PXDNL: variants seen among roughly 807,000 people sequenced by gnomAD.
PXDNL encodes peroxidasin like.
In PXDNL, 145 loss-of-function variants were observed where a neutral mutation model predicts 150.8. The observed-to-expected ratio is 0.96, with a 90% CI of 0.84 to 1.10. PXDNL has a LOEUF of 1.10. Ranked by LOEUF, PXDNL falls within the 50% of genes least tolerant of loss-of-function variation. The pLI is 0.00. For synonymous variants in PXDNL, 757 were observed against 725.7 expected (o/e 1.04, Z -0.69); for missense variants, 2,087 against 1,873.9 (o/e 1.11, Z -2.10).
At chr8:51,663,551 A>T (rs1372188599) in intron 1 of PXDNL, among the ~76,000 whole-genome samples, 1 of 152,184 alleles carries the variant, frequency 6.6e-6, no homozygotes, top group African/African-American at 2.4e-5. Flanking sequence ...TGACAGGGGT[A>T]TGCGGCCACC....
chr8:51,474,429 A>G (rs1439181898), intron 7 of PXDNL, among the ~76,000 whole-genome samples: 1 of 152,222 alleles, frequency 6.6e-6, no homozygotes, highest in Non-Finnish European at 1.5e-5. Context: ...GAATATAACC[A>G]TATGCTTATT....
At chr8:51,478,608 G>C (rs1156779705) in intron 6 of PXDNL, among the ~76,000 whole-genome samples, 1 of 152,210 alleles carries the variant, frequency 6.6e-6, no homozygotes, top group Non-Finnish European at 1.5e-5. Flanking sequence ...GGAGAACCCA[G>C]TGTCGGGTGA....
intron 17 of PXDNL, among the ~76,000 whole-genome samples, chr8:51,390,944 G>C (rs1807884054): frequency 6.6e-6 from 1 of 151,608 alleles, no homozygotes; most frequent in South Asian, 2.1e-4. Flanking sequence ...CCCTTCCTGT[G>C]TCCATGTGTT....
At chr8:51,722,363 G>A (rs542866249) in intron 1 of PXDNL, among the ~76,000 whole-genome samples, 37 of 152,334 alleles carry the variant, frequency 2.4e-4, no homozygotes, top group Admixed American at 1.4e-3. Context: ...ACCCCACAGC[G>A]GCATCCAGGG....
At chr8:51,354,307 AT>A (rs1806440422) in intron 19 of PXDNL, among the ~76,000 whole-genome samples, 1 of 152,078 alleles carries the variant, frequency 6.6e-6, no homozygotes, top group Non-Finnish European at 1.5e-5. Flanking sequence ...TATCAGTAGA[AT>A]TTTGACTTAT....
At chr8:51,402,411 C>G (rs565223010) in intron 17 of PXDNL, among the ~76,000 whole-genome samples, 1 of 151,860 alleles carries the variant, frequency 6.6e-6, no homozygotes, top group Non-Finnish European at 1.5e-5. Flanking sequence ...CCCAGCTACT[C>G]GGGAGGCTGA....
chr8:51,531,881 T>C (rs974926659), intron 4 of PXDNL, among the ~76,000 whole-genome samples: 1 of 152,214 alleles, frequency 6.6e-6, no homozygotes, highest in African/African-American at 2.4e-5. Flanking sequence ...CAAACTCCAA[T>C]CATAAAGTAA....
intron 3 of PXDNL, among the ~76,000 whole-genome samples, chr8:51,572,814 G>A (rs899530867): frequency 6.6e-6 from 1 of 151,496 alleles, no homozygotes; most frequent in Non-Finnish European, 1.5e-5. Context: ...ACACACACAC[G>A]CATAAAGTAA....
chr8:51,552,155 T>A (rs989044822), intron 4 of PXDNL, among the ~76,000 whole-genome samples: 13 of 152,134 alleles, frequency 8.5e-5, no homozygotes, highest in Admixed American at 4.6e-4. Flanking sequence ...AGAACGGCCA[T>A]AATGTAATTA....
At chr8:51,469,527 C>T (rs914526745) in intron 8 of PXDNL, among the ~76,000 whole-genome samples, 1 of 152,010 alleles carries the variant, frequency 6.6e-6, no homozygotes, top group Non-Finnish European at 1.5e-5. Context: ...TTCCCACATA[C>T]CTACTTTCTA....
At chr8:51,502,093 A>G (rs886546879) in intron 4 of PXDNL, among the ~76,000 whole-genome samples, 11 of 152,220 alleles carry the variant, frequency 7.2e-5, no homozygotes, top group African/African-American at 2.4e-4. Context: ...AGCAAAAAAA[A>G]ATTTATTGTC....
intron 4 of PXDNL, among the ~76,000 whole-genome samples, chr8:51,534,003 C>T (rs1343790832): frequency 7.0e-6 from 1 of 142,764 alleles, no homozygotes; most frequent in Non-Finnish European, 1.5e-5. Context: ...AAGTGAGGAG[C>T]GTCTCTGCCC....
chr8:51,405,869 T>A (rs1009878603), intron 17 of PXDNL, among the ~76,000 whole-genome samples: 4 of 152,178 alleles, frequency 2.6e-5, no homozygotes, highest in Non-Finnish European at 4.4e-5. Flanking sequence ...TGCATAGAGT[T>A]CCACTAGTTC....
intron 17 of PXDNL, among the ~76,000 whole-genome samples, chr8:51,403,538 T>C (rs1326244344): frequency 3.3e-5 from 5 of 152,218 alleles, no homozygotes; most frequent in African/African-American, 4.8e-5. Context: ...AATTCTAGGA[T>C]TGGACTCCTT....
At chr8:51,573,206 A>G (rs558889569) in intron 3 of PXDNL, among the ~76,000 whole-genome samples, 37 of 151,976 alleles carry the variant, frequency 2.4e-4, no homozygotes, top group Non-Finnish European at 4.7e-4. Flanking sequence ...GGGATCCTAG[A>G]TCCTCACACT....
At chr8:51,623,701 T>G (rs1432998682) in intron 2 of PXDNL, among the ~76,000 whole-genome samples, 1 of 152,196 alleles carries the variant, frequency 6.6e-6, no homozygotes, top group Non-Finnish European at 1.5e-5. Flanking sequence ...AGCTGTTGTG[T>G]TCCTCCCTTT....
At chr8:51,497,262 G>T (rs7830904) in intron 5 of PXDNL, among the ~76,000 whole-genome samples, 48,715 of 151,860 alleles carry the variant, frequency 0.32, 8,690 homozygotes, top group African/African-American at 0.47. Flanking sequence ...ATCCCTTCCT[G>T]ACACCTTATA....
intron 4 of PXDNL, among the ~76,000 whole-genome samples, chr8:51,509,343 T>G (rs1319584520): frequency 6.6e-6 from 1 of 152,136 alleles, no homozygotes; most frequent in Non-Finnish European, 1.5e-5. Flanking sequence ...GGATCAGGCA[T>G]GCCAACTGTC....
At chr8:51,637,313 C>T (rs4565451) in intron 2 of PXDNL, among the ~76,000 whole-genome samples, 30,733 of 152,056 alleles carry the variant, frequency 0.2, 3,227 homozygotes, top group Non-Finnish European at 0.22. Context: ...TACAAATGAA[C>T]GCAGCTCCTC....
Sources: gnomAD v4.1 joint callset for allele counts (sites outside exome capture counted in the v4.1 genomes callset) on GRCh38, gnomAD v4.1.1 for gene constraint, MANE v1.5 for transcripts, NCBI Gene and HGNC (gene_info 2026-07-23, HGNC 2026-07-21) for gene names.